Variants in KLHL24 observed in about 807,000 individuals in gnomAD.
KLHL24 encodes the protein kelch like family member 24.
In KLHL24, 29 loss-of-function variants were observed where a neutral mutation model predicts 53.4. The observed-to-expected ratio is 0.54, with a 90% CI of 0.40 to 0.74. The LOEUF (loss-of-function observed/expected upper bound fraction) is 0.74, where lower values mean the gene tolerates loss of function less well. Ranked by LOEUF, KLHL24 falls within the 30% of genes least tolerant of loss-of-function variation. The pLI is 0.00. For missense variants in KLHL24, 504 were observed against 744.0 expected, an observed-to-expected ratio of 0.68 and a Z score of 3.75; for synonymous variants, 222 against 253.7, an observed-to-expected ratio of 0.88 and a Z score of 1.19.
intron 3 of KLHL24, among the ~76,000 whole-genome samples, chr3:183,661,314 G>A (rs1261942896): frequency 6.6e-6 from 1 of 152,008 alleles, no homozygotes; most frequent in Non-Finnish European, 1.5e-5. Context: ...TTACATGGGT[G>A]TCCAGAATTT....
intron 3 of KLHL24, among the ~76,000 whole-genome samples, chr3:183,659,365 C>T (rs143229813): frequency 2.6e-3 from 394 of 152,146 alleles, no homozygotes; most frequent in African/African-American, 8.6e-3. Context: ...GGTGAAACCC[C>T]GTCTCTATTA....
At chr3:183,678,268 G>GT (rs1712240155) in intron 7 of KLHL24, among the ~76,000 whole-genome samples, 1 of 152,130 alleles carries the variant, frequency 6.6e-6, no homozygotes, top group Non-Finnish European at 1.5e-5. Context: ...TAATAACAGT[G>GT]TTTTGTTAAC....
In KLHL24 at chr3:183,659,599, A is replaced by G. The variant is rs73884589; in HGVS notation, c.921-3859A>G. 8.6e-3 allele frequency among the ~76,000 whole-genome samples: 1,314 copies of G among 152,312 alleles called. 18 individuals carry two copies. Among genetic ancestry groups the G allele is most frequent in the African/African-American group, 0.03 (1,265 of 41,560 alleles). On this transcript the variant is annotated intron_variant, in intron 3 of 7. Transcript: ENST00000242810. ...AGAGCAAAAATTCAATAAGACCTCA[A>G]AGAAGACTGGAACAGGCTACTAAAA... is the stretch of plus-strand genomic sequence containing the variant.
intron 5 of KLHL24, among the ~76,000 whole-genome samples, chr3:183,670,652 T>G (rs1721210658): frequency 6.6e-6 from 1 of 152,212 alleles, no homozygotes; most frequent in Admixed American, 6.5e-5. Flanking sequence ...TAAGCTAAAT[T>G]GTACCATTCT....
intron 6 of KLHL24, 107 bp from the exon 7 acceptor site, chr3:183,672,189 A>G (rs1332647973): frequency 7.4e-6 from 4 of 542,228 alleles, no homozygotes; most frequent in Non-Finnish European, 1.2e-5. Context: ...CTCTGAATTA[A>G]TAGGATTTTA....
At chr3:183,676,388 A>C (rs1324687699) in intron 7 of KLHL24, among the ~76,000 whole-genome samples, 1 of 152,190 alleles carries the variant, frequency 6.6e-6, no homozygotes, top group Non-Finnish European at 1.5e-5. Context: ...GAGCCACGGC[A>C]CCTGGCCTTA....
chr3:183,636,226 C>G (rs116340275), intron 1 of KLHL24: 10,792 of 152,284 alleles, frequency 0.071, 1,315 homozygotes, highest in African/African-American at 0.25. Context: ...TTCAGGAAGC[C>G]CGGGGGAGTG....
At chr3:183,642,248 T>C (rs746784785) in intron 1 of KLHL24, among the ~76,000 whole-genome samples, 2 of 152,200 alleles carry the variant, frequency 1.3e-5, no homozygotes, top group Non-Finnish European at 2.9e-5. Flanking sequence ...TTTACTTAGC[T>C]AGGAGTAACA....
Position 183,679,291 on chromosome 3 carries a change from A to C in KLHL24, c.*5A>C, listed in dbSNP as rs757131702. The C allele has an allele frequency of 6.2e-7, 1 of 1,611,458 alleles. No individual in the cohort carries two copies. The highest frequency in any genetic ancestry group is 1.1e-5 in the South Asian group (1 of 91,028). On this transcript the variant is annotated 3_prime_UTR_variant, in exon 8 of 8. Transcript: ENST00000242810. ...GAGAAATGCTTTAAACTCTGAAGAC[A>C]GGATACCTCACCGAAGAAGCCACAC... is the stretch of plus-strand genomic sequence containing the variant.
At position 183,663,690 on chromosome 3, in the gene KLHL24, T is replaced by G. The variant is rs1309416140; in HGVS notation, c.1105+48T>G. On this transcript the variant is annotated intron_variant, in intron 4 of 7. Transcript: ENST00000242810. The surrounding 1 kb of genome is among the most constrained non-coding windows in gnomAD (Gnocchi z 4.9). ...AGCTACTTTTAATTTGGACACAGCT[T>G]CATTATTTTAAACATCAACAGTGTC... 7 of 1,106,254 alleles carry G rather than the reference T, an allele frequency of 6.3e-6. No homozygotes were observed. Among genetic ancestry groups the G allele is most frequent in the Non-Finnish European group, 8.8e-6 (7 of 796,102 alleles). The allele number at this position is 1,106,254 out of a possible 1,614,324, so 68.5% of individuals were successfully genotyped here. A position where few individuals can be genotyped will look rare whatever the true frequency, so the allele number is the denominator to read the frequency against.
In KLHL24 at chr3:183,679,921, TTAGG is replaced by T. The variant is rs1712507334; in HGVS notation, c.*640_*643del. 6.6e-6 allele frequency: 1 copy of T among 152,086 alleles called. No individual in the cohort carries two copies. 9.4% of individuals were successfully genotyped at this position (152,086 alleles called of 1,614,324 possible). ...CATTAAACATGTTTTTAGGGGGAAG[TTAGG>T]TAGGAGATAGAAAAATAAGTGCCCC... On this transcript the variant is annotated 3_prime_UTR_variant, in exon 8 of 8. Transcript: ENST00000242810.
rs537038989 is a variant in KLHL24 at position 183,656,997 on chromosome 3, C to T, written c.920+5721C>T. Among the ~76,000 whole-genome samples the T allele has an allele frequency of 4.6e-5, 7 of 152,214 alleles. No homozygotes were observed. In the South Asian group the frequency reaches 1.5e-3, roughly 32 times the overall value. ...TTCCATTTCTTGCCCCTGCTTTACT[C>T]CAAATACTGATTTCCATATTTCCCA... On this transcript the variant is annotated intron_variant, in intron 3 of 7. Transcript: ENST00000242810.
At chr3:183,649,003 CAA>C (rs3834187) in intron 2 of KLHL24, among the ~76,000 whole-genome samples, 50,192 of 145,686 alleles carry the variant, frequency 0.34, 9,111 homozygotes, top group East Asian at 0.48. Flanking sequence ...ACCTTGTTTC[CAA>C]AAAAAAAAAG....
chr3:183,642,892 CATTTTTCACTCAAG>C (rs1158525214), intron 1 of KLHL24: 1 of 152,152 alleles, frequency 6.6e-6, no homozygotes, highest in Admixed American at 6.6e-5. Context: ...TTCTTTTACT[CATTTTTCACTCAAG>C]AAATTTTACT....
chr3:183,660,787 G>T (rs989872386), intron 3 of KLHL24, among the ~76,000 whole-genome samples: 1 of 151,984 alleles, frequency 6.6e-6, no homozygotes, highest in Non-Finnish European at 1.5e-5. Flanking sequence ...GCCGGGAGCC[G>T]CAGCTCACGC....
intron 5 of KLHL24, among the ~76,000 whole-genome samples, chr3:183,665,802 T>C (rs1298783796): frequency 6.6e-6 from 1 of 152,000 alleles, no homozygotes; most frequent in African/African-American, 2.4e-5. Context: ...AAACCTATTT[T>C]TGACTGCAGC....
intron 4 of KLHL24, 74 bp from the exon 5 acceptor site, chr3:183,664,847 C>T (rs1720297836): frequency 1.4e-6 from 1 of 726,748 alleles, no homozygotes; most frequent in East Asian, 2.8e-5. Context: ...TTACCTATGC[C>T]TTGGTGGCAC....
At chr3:183,657,404 C>A (rs935011801) in intron 3 of KLHL24, among the ~76,000 whole-genome samples, 17 of 152,210 alleles carry the variant, frequency 1.1e-4, no homozygotes, top group African/African-American at 3.9e-4. Context: ...CTTGTCTCTT[C>A]TTTCTGCTAT....
chr3:183,658,334 G>A (rs530589280), intron 3 of KLHL24, among the ~76,000 whole-genome samples: 1 of 152,060 alleles, frequency 6.6e-6, no homozygotes, highest in South Asian at 2.1e-4. Context: ...ACAGTATCTT[G>A]GAAACTGTTC....
Sources: allele counts gnomAD v4.1 joint callset (sites outside exome capture counted in the v4.1 genomes callset), GRCh38; gene constraint gnomAD v4.1.1; non-coding constraint Gnocchi (gnomAD v3.1); transcripts MANE v1.5; gene names NCBI Gene and HGNC (gene_info 2026-07-23, HGNC 2026-07-21).